The following ANKRD50 variants were observed in gnomAD, a reference collection of about 807,000 sequenced individuals.
The protein encoded by ANKRD50 is ankyrin repeat domain-containing protein 50.
In ANKRD50, 40 loss-of-function variants were observed where a neutral mutation model predicts 112.0. The ratio of observed to expected loss-of-function variants is 0.36; its 90% CI spans 0.28 to 0.46. The LOEUF (loss-of-function observed/expected upper bound fraction) is 0.46, where lower values mean the gene tolerates loss of function less well. ANKRD50 is among the 20% of genes least tolerant of loss of function. The pLI, the probability that ANKRD50 is intolerant of heterozygous loss-of-function variation, is 1.00. For synonymous variants in ANKRD50, 613 were observed against 619.1 expected (o/e 0.99, Z 0.15); for missense variants, 1,487 against 1,701.7 (o/e 0.87, Z 2.22).
chr4:124,667,889 G>A (rs1487729304), intron 4 of ANKRD50, among the ~76,000 whole-genome samples: 1 of 151,784 alleles, frequency 6.6e-6, no homozygotes, highest in Non-Finnish European at 1.5e-5. Context: ...CACATTGAAG[G>A]CTGTTTATTA....
At chr4:124,682,322 CAAAAAAA>C (rs36107017) in intron 2 of ANKRD50, among the ~76,000 whole-genome samples, 1 of 87,544 alleles carries the variant, frequency 1.1e-5, no homozygotes, top group Non-Finnish European at 2.3e-5. Context: ...GACTCCGTCT[CAAAAAAA>C]AAAAAAAAAA....
rs775091823 is a variant in ANKRD50 at position 124,669,327 on chromosome 4, GC to G, written c.3949del (p.Ala1317HisfsTer15). ...TTCTGCTGGCATTTGTTTAGGTGGT[GC>G]AGCAGTCCCGGATTTGGCTATAGGT... is the stretch of plus-strand genomic sequence containing the variant. ...RGPIAKSGTA[A>X]PPKQMPAESQ... On this transcript the variant is annotated frameshift_variant, in exon 4 of 5. Coordinates refer to ENST00000504087, the MANE Select transcript of ANKRD50 (RefSeq NM_020337.3). LOFTEE classifies it high-confidence loss of function. The G allele has an allele frequency of 6.2e-7, 1 of 1,613,772 alleles. No homozygotes were observed. Among genetic ancestry groups the G allele is most frequent in the South Asian group, 1.1e-5 (1 of 91,034 alleles).
At chr4:124,668,641 A>G (rs562868826) in intron 4 of ANKRD50, among the ~76,000 whole-genome samples, 2 of 152,242 alleles carry the variant, frequency 1.3e-5, no homozygotes, top group East Asian at 3.9e-4. Context: ...AAACTACCAT[A>G]GGTCCAAGCA....
chr4:124,700,330 T>C, intron 2 of ANKRD50, among the ~76,000 whole-genome samples: 1 of 152,318 alleles, frequency 6.6e-6, no homozygotes, highest in African/African-American at 2.4e-5. Context: ...GGTTTTATTC[T>C]AAACATAGTA....
chr4:124,702,096 G>A (rs1725406022), intron 2 of ANKRD50, among the ~76,000 whole-genome samples: 1 of 152,128 alleles, frequency 6.6e-6, no homozygotes, highest in Non-Finnish European at 1.5e-5. Flanking sequence ...AATAATTCTT[G>A]AAAGAATGAA....
chr4:124,685,096 T>C (rs1724976541), intron 2 of ANKRD50, among the ~76,000 whole-genome samples: 1 of 152,212 alleles, frequency 6.6e-6, no homozygotes, highest in Non-Finnish European at 1.5e-5. Flanking sequence ...ATCACATTCT[T>C]AGATTAACTT....
intron 2 of ANKRD50, among the ~76,000 whole-genome samples, chr4:124,686,301 T>C (rs915441568): frequency 6.6e-6 from 1 of 151,928 alleles, no homozygotes; most frequent in Non-Finnish European, 1.5e-5. Flanking sequence ...AGAATGTCCC[T>C]CCTAGCCTTT....
At chr4:124,692,591 G>A (rs934102924) in intron 2 of ANKRD50, among the ~76,000 whole-genome samples, 1 of 152,230 alleles carries the variant, frequency 6.6e-6, no homozygotes, top group African/African-American at 2.4e-5. Context: ...GCCTGTAGGA[G>A]GCAACTAAGT....
intron 2 of ANKRD50, among the ~76,000 whole-genome samples, chr4:124,709,783 C>G (rs1231325598): frequency 2.6e-5 from 4 of 152,116 alleles, no homozygotes; most frequent in Non-Finnish European, 5.9e-5. Context: ...TTAAGATACA[C>G]TTTTAATCCA....
chr4:124,685,809 C>A (rs114739432), intron 2 of ANKRD50, among the ~76,000 whole-genome samples: 2,546 of 152,010 alleles, frequency 0.017, 75 homozygotes, highest in African/African-American at 0.058. Context: ...CCCATTTTCA[C>A]TTGTCTTGAA....
Position 124,672,139 on chromosome 4 carries a change from A to G in ANKRD50, c.1138T>C (p.Leu380=), listed in dbSNP as rs1730673581. The G allele has an allele frequency of 7.4e-6, 12 of 1,613,842 alleles. No homozygotes were observed. In the East Asian group the frequency reaches 2.5e-4, roughly 33 times the overall value. Residue 380 remains leucine, a synonymous_variant, in exon 4 of 5, where the codon TTA becomes CTA. Coordinates refer to ENST00000504087, the MANE Select transcript of ANKRD50 (RefSeq NM_020337.3). ...YHAVWTKNMS[L]TLEDFQRKLD... ...TTGCGTTGAAAATCTTCCAAAGTTA[A>G]CGACATGTTTTTGGTCCATACTGCG... is the stretch of plus-strand genomic sequence containing the variant.
rs1159333968 is a variant in ANKRD50 at position 124,664,300 on chromosome 4, A to T, written c.*3218T>A. ...AAGGCTTAGGAAGACATAAACAGTA[A>T]ATCTTTGTTTTTCTACCTTCCTTTG... On this transcript the variant is annotated 3_prime_UTR_variant, in exon 5 of 5. Coordinates refer to ENST00000504087, the MANE Select transcript of ANKRD50 (RefSeq NM_020337.3). The T allele has an allele frequency of 1.3e-5, 2 of 151,870 alleles. No individual in the cohort carries two copies. Among genetic ancestry groups the T allele is most frequent in the Non-Finnish European group, 2.9e-5 (2 of 67,902 alleles). 9.4% of individuals were successfully genotyped at this position (151,870 alleles called of 1,614,324 possible).
At chr4:124,708,717 C>T (rs574805521) in intron 2 of ANKRD50, among the ~76,000 whole-genome samples, 2 of 150,138 alleles carry the variant, frequency 1.3e-5, no homozygotes, top group South Asian at 4.2e-4. Context: ...CACACACACA[C>T]ACATACACAC....
At chr4:124,672,613 C>A in intron 3 of ANKRD50, 79 bp from the exon 4 acceptor site, 1 of 970,462 alleles carries the variant, frequency 1.0e-6, no homozygotes, top group South Asian at 1.7e-5. Flanking sequence ...AGAATGTCAA[C>A]ATATAATAAA....
At chr4:124,679,834 C>A (rs1724838226) in intron 2 of ANKRD50, among the ~76,000 whole-genome samples, 2 of 152,210 alleles carry the variant, frequency 1.3e-5, no homozygotes, top group African/African-American at 4.8e-5. Flanking sequence ...CAACCTACCT[C>A]AATTCTTCGT....
chr4:124,672,898 G>A (rs1730695539), intron 3 of ANKRD50, among the ~76,000 whole-genome samples: 1 of 151,970 alleles, frequency 6.6e-6, no homozygotes, highest in Non-Finnish European at 1.5e-5. Flanking sequence ...AAAGTTGCAG[G>A]AGACATAACA....
chr4:124,682,290 T>TCC (rs1724907103), intron 2 of ANKRD50, among the ~76,000 whole-genome samples: 1 of 130,352 alleles, frequency 7.7e-6, no homozygotes, highest in African/African-American at 3.0e-5. Context: ...CAGTCCGCAG[T>TCC]CCGGCCTGGG....
intron 2 of ANKRD50, among the ~76,000 whole-genome samples, chr4:124,691,498 C>CAAAAAA (rs71583369): frequency 3.3e-5 from 2 of 59,760 alleles, no homozygotes; most frequent in Non-Finnish European, 5.6e-5. Context: ...GACTCCGTCT[C>CAAAAAA]AAAAAAAAAA....
Position 124,671,608 on chromosome 4 carries a change from T to G in ANKRD50, c.1669A>C (p.Ser557Arg). The G allele has an allele frequency of 6.2e-7, 1 of 1,613,904 alleles. No homozygotes were observed. The highest frequency in any genetic ancestry group is 8.5e-7 in the Non-Finnish European group (1 of 1,179,870). Residue 557 changes from serine to arginine, a missense_variant, in exon 4 of 5, where the codon AGT becomes CGT. Transcript: ENST00000504087. The part of the protein sequence containing the change: ...TLLANAAYSG[S>R]LDVVNLLVSR... ...ACAAGTAAATTGACTACATCAAGACTGCCACTATATGCAGCATTAGCCAAT... is the reference window on the plus strand; with the variant it reads ...ACAAGTAAATTGACTACATCAAGACGGCCACTATATGCAGCATTAGCCAAT...
Sources: gnomAD v4.1 joint callset for allele counts (sites outside exome capture counted in the v4.1 genomes callset) on GRCh38, gnomAD v4.1.1 for gene constraint, MANE v1.5 for transcripts, NCBI Gene and HGNC (gene_info 2026-07-23, HGNC 2026-07-21) for gene names.